Variants in STAT4 observed in about 807,000 individuals in gnomAD.
STAT4 encodes signal transducer and activator of transcription 4.
A neutral mutation model predicts 110.5 loss-of-function variants in STAT4; 42 were observed. The ratio of observed to expected loss-of-function variants is 0.38; its 90% CI spans 0.30 to 0.49. The LOEUF is 0.49. Among genes scored for constraint, STAT4 ranks in the 20% least tolerant of loss-of-function variants. STAT4 has a pLI of 0.95. For missense variants in STAT4, 632 were observed against 887.9 expected, an observed-to-expected ratio of 0.71 and a Z score of 3.66; for synonymous variants, 284 against 302.2, an observed-to-expected ratio of 0.94 and a Z score of 0.63.
At chr2:191,075,567 C>T (rs986384323) in intron 4 of STAT4, among the ~76,000 whole-genome samples, 1 of 152,136 alleles carries the variant, frequency 6.6e-6, no homozygotes, top group Admixed American at 6.6e-5. Flanking sequence ...AGAAATTCAG[C>T]TTGGAGGTGA....
At chr2:191,072,062 T>C (rs1697175355) in intron 5 of STAT4, among the ~76,000 whole-genome samples, 1 of 152,142 alleles carries the variant, frequency 6.6e-6, no homozygotes, top group African/African-American at 2.4e-5. Flanking sequence ...AGAGAAGCCA[T>C]TGGCTGTCAA....
At position 191,043,237 on chromosome 2, in the gene STAT4, G is replaced by C. The variant is rs983207638; in HGVS notation, c.1252-2089C>G. ...CACTTAAAATATAATAAGAGAAATA[G>C]ACAAGTCAGTAAAAAGATTGGACAT... On this transcript the variant is annotated intron_variant, in intron 14 of 23. Transcript: ENST00000392320. This position sits in a 1 kb window ranked among gnomAD's most constrained non-coding sequence, Gnocchi z 4.8. 6.6e-6 allele frequency among the ~76,000 whole-genome samples: 1 copy of C among 151,928 alleles called. No individual in the cohort carries two copies. Among genetic ancestry groups the C allele is most frequent in the East Asian group, 1.9e-4 (1 of 5,192 alleles).
intron 3 of STAT4, among the ~76,000 whole-genome samples, chr2:191,076,893 C>T (rs1254218602): frequency 6.6e-6 from 1 of 151,918 alleles, no homozygotes; most frequent in Admixed American, 6.6e-5. Flanking sequence ...GATCCATCTG[C>T]CTCAGCCTCC....
rs1457373645 is a variant in STAT4 at position 191,053,988 on chromosome 2, T to C, written c.1251+502A>G. 6.6e-6 allele frequency among the ~76,000 whole-genome samples: 1 copy of C among 151,866 alleles called. No homozygotes were observed. The highest frequency in any genetic ancestry group is 1.9e-4 in the East Asian group (1 of 5,156). On this transcript the variant is annotated intron_variant, in intron 14 of 23. Coordinates refer to ENST00000392320, the MANE Select transcript of STAT4 (RefSeq NM_003151.4). The surrounding 1 kb of genome is among the most constrained non-coding windows in gnomAD (Gnocchi z 4.5). ...ACGAAAAATACAAAAACTAGCCAGG[T>C]ATGGTGGCACATGCCTATAGTCCCA...
intron 3 of STAT4, among the ~76,000 whole-genome samples, chr2:191,084,543 A>C (rs1697582221): frequency 6.6e-6 from 1 of 152,204 alleles, no homozygotes; most frequent in Admixed American, 6.5e-5. Flanking sequence ...AGTTACAAGA[A>C]GGCATGGGGA....
At chr2:191,108,902 C>T (rs1698352087) in intron 3 of STAT4, among the ~76,000 whole-genome samples, 1 of 152,330 alleles carries the variant, frequency 6.6e-6, no homozygotes, top group Non-Finnish European at 1.5e-5. Context: ...TTTTCCATGT[C>T]TACTACACTT....
At chr2:191,141,352 C>T (rs1484510524) in intron 3 of STAT4, among the ~76,000 whole-genome samples, 1 of 150,512 alleles carries the variant, frequency 6.6e-6, no homozygotes, top group Non-Finnish European at 1.5e-5. Context: ...TATCATCTTA[C>T]CCCCGTTAAA....
Position 191,066,229 on chromosome 2 carries a change from T to C in STAT4, c.630+201A>G, listed in dbSNP as rs896259535. The stretch of plus-strand genomic sequence containing the variant: ...AAATGTATCACATAAGCAAGATAAA[T>C]AGGCTCTAAAGGGGTCCAGCATTGT... On this transcript the variant is annotated intron_variant, in intron 7 of 23. Coordinates refer to ENST00000392320, the MANE Select transcript of STAT4 (RefSeq NM_003151.4). This position sits in a 1 kb window ranked among gnomAD's most constrained non-coding sequence, Gnocchi z 4.3. Among the ~76,000 whole-genome samples, 1 of 152,246 alleles carries C rather than the reference T, an allele frequency of 6.6e-6. No individual in the cohort carries two copies. The highest frequency in any genetic ancestry group is 2.1e-4 in the South Asian group (1 of 4,830).
rs1249839755 is a variant in STAT4 at position 191,033,759 on chromosome 2, A to G, written c.1716-133T>C. On this transcript the variant is annotated intron_variant, in intron 19 of 23. Transcript: ENST00000392320. The surrounding 1 kb of genome is among the most constrained non-coding windows in gnomAD (Gnocchi z 6.9). ...CTGAAATACTCATATATAGATTAAT[A>G]TACATAGTGCCACTCCACAAAGAAT... The G allele has an allele frequency of 6.6e-6, 9 of 1,362,448 alleles. No individual in the cohort carries two copies. Among genetic ancestry groups the G allele is most frequent in the Admixed American group, 4.8e-5 (2 of 41,846 alleles). The allele number at this position is 1,362,448 out of a possible 1,614,324, so 84.4% of individuals were successfully genotyped here. A position where few individuals can be genotyped will look rare whatever the true frequency, so the allele number is the denominator to read the frequency against.
chr2:191,146,828 C>T lies in STAT4; in HGVS notation c.129-71G>A. On this transcript the variant is annotated intron_variant, in intron 2 of 23. Coordinates refer to ENST00000392320, the MANE Select transcript of STAT4 (RefSeq NM_003151.4). The surrounding 1 kb of genome is among the most constrained non-coding windows in gnomAD (Gnocchi z 4.5). The stretch of plus-strand genomic sequence containing the variant: ...AATGTCTACTTTTTTACCATACTAA[C>T]TTTAAAACAATAAACCTATTACATG... 7.2e-7 allele frequency: 1 copy of T among 1,386,526 alleles called. No homozygotes were observed. Among genetic ancestry groups the T allele is most frequent in the African/African-American group, 1.5e-5 (1 of 67,604 alleles). 85.9% of individuals were successfully genotyped at this position (1,386,526 alleles called of 1,614,324 possible). A position where few individuals can be genotyped will look rare whatever the true frequency, so the allele number is the denominator to read the frequency against.
chr2:191,085,944 A>G (rs1697622811), intron 3 of STAT4, among the ~76,000 whole-genome samples: 1 of 152,156 alleles, frequency 6.6e-6, no homozygotes, highest in Non-Finnish European at 1.5e-5. Flanking sequence ...AACTATTTAC[A>G]GCTTTTAACA....
In STAT4 at chr2:191,083,075, C is replaced by T. The variant is rs1239483425; in HGVS notation, c.274-6750G>A. Among the ~76,000 whole-genome samples, 1 of 152,090 alleles carries T rather than the reference C, an allele frequency of 6.6e-6. No individual in the cohort carries two copies. Among genetic ancestry groups the T allele is most frequent in the Non-Finnish European group, 1.5e-5 (1 of 68,004 alleles). The stretch of plus-strand genomic sequence containing the variant: ...GCCTGAAACAGGAGGCATTAGTGAC[C>T]AAAGGGGATATAGGATTCTGAGGAA... On this transcript the variant is annotated intron_variant, in intron 3 of 23. Coordinates refer to ENST00000392320, the MANE Select transcript of STAT4 (RefSeq NM_003151.4). This position sits in a 1 kb window ranked among gnomAD's most constrained non-coding sequence, Gnocchi z 4.6.
At chr2:191,119,999 T>G (rs1290345805) in intron 3 of STAT4, among the ~76,000 whole-genome samples, 1 of 152,158 alleles carries the variant, frequency 6.6e-6, no homozygotes, top group Admixed American at 6.5e-5. Context: ...AGTATCCACA[T>G]GGAAAAAGCC....
chr2:191,151,383 C>T, upstream of STAT4: 1 of 985,678 alleles, frequency 1.0e-6, no homozygotes, highest in Non-Finnish European at 1.2e-6. This position sits in a 1 kb window ranked among gnomAD's most constrained non-coding sequence, Gnocchi z 4.7. Flanking sequence ...AGGCTCCACT[C>T]AGCCTGGTGA....
chr2:191,039,403 C>G lies in STAT4; in HGVS notation c.1336-106G>C. On this transcript the variant is annotated intron_variant, in intron 15 of 23. Coordinates refer to ENST00000392320, the MANE Select transcript of STAT4 (RefSeq NM_003151.4). The surrounding 1 kb of genome is among the most constrained non-coding windows in gnomAD (Gnocchi z 4.7). The stretch of plus-strand genomic sequence containing the variant: ...GGGCCAATCTCAAGCCAGCCCCACA[C>G]CTCCAGTCCTGATGTCCATGGTGCC... The G allele has an allele frequency of 2.3e-6, 2 of 883,200 alleles. No individual in the cohort carries two copies. The highest frequency in any genetic ancestry group is 3.7e-6 in the Non-Finnish European group (2 of 534,062). 54.7% of individuals were successfully genotyped at this position (883,200 alleles called of 1,614,324 possible).
chr2:191,077,770 A>G lies in STAT4; in HGVS notation c.274-1445T>C, dbSNP rs1697356999. On this transcript the variant is annotated intron_variant, in intron 3 of 23. Transcript: ENST00000392320. The surrounding 1 kb of genome is among the most constrained non-coding windows in gnomAD (Gnocchi z 4.1). Reference sequence around the variant, plus strand: ...TTCTATTTGTAAAACAAGAGTAAACACCAACTATCTGAATTCCTGCTCTTA... The same window carrying G: ...TTCTATTTGTAAAACAAGAGTAAACGCCAACTATCTGAATTCCTGCTCTTA... Among the ~76,000 whole-genome samples the G allele has an allele frequency of 6.6e-6, 1 of 152,182 alleles. No individual in the cohort carries two copies. The highest frequency in any genetic ancestry group is 6.5e-5 in the Admixed American group (1 of 15,278).
At position 191,033,767 on chromosome 2, in the gene STAT4, T is replaced by G; in HGVS notation, c.1716-141A>C. The stretch of plus-strand genomic sequence containing the variant: ...CTCATATATAGATTAATATACATAG[T>G]GCCACTCCACAAAGAATAAGAAATT... On this transcript the variant is annotated intron_variant, in intron 19 of 23. Transcript: ENST00000392320. The surrounding 1 kb of genome is among the most constrained non-coding windows in gnomAD (Gnocchi z 6.9). 2 of 1,335,978 alleles carry G rather than the reference T, an allele frequency of 1.5e-6. No homozygotes were observed. Among genetic ancestry groups the G allele is most frequent in the Non-Finnish European group, 2.0e-6 (2 of 976,986 alleles). 82.8% of individuals were successfully genotyped at this position (1,335,978 alleles called of 1,614,324 possible).
chr2:191,149,766 C>T (rs1447593312), intron 1 of STAT4, among the ~76,000 whole-genome samples: 1 of 151,918 alleles, frequency 6.6e-6, no homozygotes, highest in Non-Finnish European at 1.5e-5. Flanking sequence ...CAACATTGTC[C>T]TATCTATCAA....
intron 3 of STAT4, among the ~76,000 whole-genome samples, chr2:191,078,260 A>G (rs1007135714): frequency 3.3e-5 from 5 of 152,140 alleles, no homozygotes; most frequent in African/African-American, 9.7e-5. Flanking sequence ...AGTTGCAGGA[A>G]TATTTCTATG....
Sources: gnomAD v4.1 joint callset for allele counts (sites outside exome capture counted in the v4.1 genomes callset) on GRCh38, gnomAD v4.1.1 for gene constraint, Gnocchi (gnomAD v3.1) non-coding constraint, MANE v1.5 for transcripts, NCBI Gene and HGNC (gene_info 2026-07-23, HGNC 2026-07-21) for gene names.